PREX1: variants seen among roughly 807,000 people sequenced by gnomAD.
PREX1 encodes phosphatidylinositol 3,4,5-trisphosphate-dependent Rac exchanger 1 protein.
A neutral mutation model predicts 198.3 loss-of-function variants in PREX1; 41 were observed. The ratio of observed to expected loss-of-function variants is 0.21; its 90% confidence interval spans 0.16 to 0.27. The LOEUF is 0.27. Ranked by LOEUF, PREX1 falls within the 10% of genes least tolerant of loss-of-function variation. The pLI is 1.00. For synonymous variants in PREX1, 843 were observed against 887.2 expected, an observed-to-expected ratio of 0.95 and a Z score of 0.89; for missense variants, 1,620 against 2,200.7, an observed-to-expected ratio of 0.74 and a Z score of 5.28.
At chr20:48,840,920 C>A in the PREX1 span, among the ~76,000 whole-genome samples, 1 of 151,888 alleles carries the variant, frequency 6.6e-6, no homozygotes, top group Non-Finnish European at 1.5e-5. Context: ...AACTCCTGGG[C>A]TCAAATGATC....
At chr20:48,795,175 A>G (rs541326502) in intron 1 of PREX1, among the ~76,000 whole-genome samples, 1 of 152,108 alleles carries the variant, frequency 6.6e-6, no homozygotes, top group African/African-American at 2.4e-5. Flanking sequence ...CACCCACTAA[A>G]CACTCAGCTC....
chr20:48,632,245 T>G, intron 35 of PREX1, 32 bp downstream of exon 35: 1 of 1,605,624 alleles, frequency 6.2e-7, no homozygotes, highest in Non-Finnish European at 8.5e-7. Flanking sequence ...GTTTCCTGAC[T>G]CCTGCCCCCA....
chr20:48,652,762 G>T, intron 20 of PREX1, 56 bp from the exon 21 acceptor site: 1 of 1,569,832 alleles, frequency 6.4e-7, no homozygotes, highest in Non-Finnish European at 8.6e-7. Flanking sequence ...GGGAGGAGGG[G>T]ACAGGGCCGA....
chr20:48,662,423 T>C (rs1018204211), intron 15 of PREX1, among the ~76,000 whole-genome samples: 2 of 152,210 alleles, frequency 1.3e-5, no homozygotes, highest in African/African-American at 4.8e-5. Context: ...TAATCTCAGA[T>C]CTGGGTTCAA....
At chr20:48,702,628 G>A (rs1294539743) in intron 6 of PREX1, among the ~76,000 whole-genome samples, 2 of 152,214 alleles carry the variant, frequency 1.3e-5, no homozygotes, top group South Asian at 2.1e-4. Context: ...GGGATACACT[G>A]CAGCGGGTGG....
the PREX1 span, among the ~76,000 whole-genome samples, chr20:48,874,387 G>A: frequency 8.4e-6 from 1 of 119,102 alleles, no homozygotes; most frequent in Admixed American, 8.4e-5. Context: ...GTGTGTGTGT[G>A]TGTGTGTGTG....
chr20:48,723,385 G>C (rs1026265829), intron 5 of PREX1, among the ~76,000 whole-genome samples: 3 of 152,168 alleles, frequency 2.0e-5, no homozygotes, highest in Non-Finnish European at 4.4e-5. Flanking sequence ...TCCGGAGGTG[G>C]GGGGGACAGA....
At position 48,808,840 on chromosome 20, in the gene PREX1, T is replaced by C. The variant is rs571481470; in HGVS notation, c.219+18802A>G. 5.9e-4 allele frequency among the ~76,000 whole-genome samples: 90 copies of C among 152,320 alleles called. 1 individual carries two copies. In the South Asian group the frequency reaches 0.011, roughly 19 times the overall value. ...GCCTCAGGGCCTTTGCACTTGCTGT[T>C]TCCCATGCTTGGAATGCTCTCCCCA... On this transcript the variant is annotated intron_variant, in intron 1 of 39. Coordinates refer to ENST00000371941, the MANE Select transcript of PREX1 (RefSeq NM_020820.4).
intron 11 of PREX1, 126 bp downstream of exon 11, chr20:48,681,109 C>A (rs1424317481): frequency 6.0e-6 from 5 of 832,844 alleles, no homozygotes; most frequent in Non-Finnish European, 9.8e-6. Context: ...GCGGGCCACA[C>A]TGTGCCCAGA....
At chr20:48,764,341 C>T (rs151233150) in intron 1 of PREX1, among the ~76,000 whole-genome samples, 78 of 152,322 alleles carry the variant, frequency 5.1e-4, no homozygotes, top group East Asian at 3.9e-3. Flanking sequence ...CCCTCAAAGA[C>T]GTCCACATAC....
At chr20:48,787,280 A>G (rs1430482393) in intron 1 of PREX1, among the ~76,000 whole-genome samples, 1 of 152,148 alleles carries the variant, frequency 6.6e-6, no homozygotes, top group Non-Finnish European at 1.5e-5. Context: ...ACGACACGGC[A>G]CTTATGAATA....
chr20:48,673,820 T>C (rs2089691850), intron 14 of PREX1, among the ~76,000 whole-genome samples: 1 of 152,240 alleles, frequency 6.6e-6, no homozygotes, highest in Non-Finnish European at 1.5e-5. Flanking sequence ...AGATGAGGAA[T>C]CATAGTAATA....
At chr20:48,719,303 A>AC (rs34646004) in intron 5 of PREX1, among the ~76,000 whole-genome samples, 2,111 of 139,342 alleles carry the variant, frequency 0.015, 39 homozygotes, top group East Asian at 0.035. Context: ...TGATGGCAGG[A>AC]CCCCCCCCCC....
the PREX1 span, chr20:48,849,367 T>C: frequency 6.6e-6 from 1 of 152,192 alleles, no homozygotes; most frequent in Non-Finnish European, 1.5e-5. Flanking sequence ...TGGATATATA[T>C]ATAGTATTGT....
rs767067665 is a variant in PREX1, at chr20:48,688,734, C to A, written c.1257G>T (p.Met419Ile). 6.2e-7 allele frequency: 1 copy of A among 1,614,086 alleles called. No homozygotes were observed. The highest frequency in any genetic ancestry group is 8.5e-7 in the Non-Finnish European group (1 of 1,180,040). ...TGAGGTTCACCTTCTTGTTCATCAT[C>A]ATGTGGTACAGCTTCTCCCCCTTCT... ...IAEKGEKLYH[M>I]MMNKKVNLIK... Residue 419 changes from methionine (M) to isoleucine (I), a missense_variant, in exon 10 of 40, where the codon ATG (methionine) becomes ATT (isoleucine). Met to Ile is a conservative substitution (Grantham distance 10). Around this residue, in one of 7 missense-constraint regions of PREX1, gnomAD observed 488 missense variants for 802.5 expected, o/e 0.61. Coordinates refer to ENST00000371941, the MANE Select transcript of PREX1 (RefSeq NM_020820.4).
chr20:48,740,956 G>C (rs2090078821), intron 3 of PREX1, among the ~76,000 whole-genome samples: 1 of 152,090 alleles, frequency 6.6e-6, no homozygotes, highest in African/African-American at 2.4e-5. Context: ...TATTTTCAAT[G>C]ATGATGCAAA....
intron 8 of PREX1, 93 bp downstream of exon 8, chr20:48,692,578 TA>T: frequency 9.3e-7 from 1 of 1,069,606 alleles, no homozygotes; most frequent in Non-Finnish European, 1.4e-6. Flanking sequence ...CATCTCATGA[TA>T]AAAGAAAAAA....
chr20:48,632,697 C>G, intron 33 of PREX1, 58 bp from the exon 34 acceptor site: 4 of 1,589,620 alleles, frequency 2.5e-6, no homozygotes, highest in East Asian at 2.2e-5. Flanking sequence ...AGGGGAAGCC[C>G]TGGCACACCT....
intron 1 of PREX1, among the ~76,000 whole-genome samples, chr20:48,782,885 C>T (rs2090296151): frequency 6.6e-6 from 1 of 152,144 alleles, no homozygotes; most frequent in South Asian, 2.1e-4. Context: ...GTGTCATAGT[C>T]TAAGGTGGGG....
Sources: gnomAD v4.1 joint callset for allele counts (sites outside exome capture counted in the v4.1 genomes callset) on GRCh38, gnomAD v4.1.1 for gene constraint, gnomAD v4.1.1 regional missense constraint, MANE v1.5 for transcripts, NCBI Gene and HGNC (gene_info 2026-07-23, HGNC 2026-07-21) for gene names.